The following NAV1 variants were observed in gnomAD, a reference collection of about 807,000 sequenced individuals.
NAV1 encodes neuron navigator 1, also known as pore membrane and/or filament interacting like protein 3.
Under a neutral mutation model 175.2 loss-of-function variants are expected in NAV1, and 18 were observed. That is an observed-to-expected ratio of 0.10 (90% confidence interval 0.07 to 0.15). The LOEUF (loss-of-function observed/expected upper bound fraction) is 0.15. NAV1 is among the 10% of genes least tolerant of loss of function. The pLI is 1.00. For synonymous variants in NAV1, 897 were observed against 978.7 expected (o/e 0.92, Z 1.56); for missense variants, 1,731 against 2,436.6 (o/e 0.71, Z 6.10).
intron 3 of NAV1, among the ~76,000 whole-genome samples, chr1:201,778,332 C>T (rs1394078298): frequency 2.0e-5 from 3 of 152,206 alleles, no homozygotes; most frequent in Non-Finnish European, 4.4e-5. Context: ...CTTTGCCTCA[C>T]GACCTTGATT....
In NAV1 at chr1:201,588,556, G is replaced by T. The variant is rs373267014; in HGVS notation, c.-126G>T. ...TTTTGTAGAGACAGAGTCTTGCTAT[G>T]TTGCCCGGGCTGGTCTGAACTCCTA... On this transcript the variant is annotated 5_prime_UTR_variant, in exon 2 of 34. An upstream start codon of the reference 5' UTR is lost. Coordinates refer to the NAV1 transcript ENST00000685211. Among the ~76,000 whole-genome samples, 55 of 141,890 alleles carry T rather than the reference G, an allele frequency of 3.9e-4. No individual in the cohort carries two copies. The highest frequency in any genetic ancestry group is 1.4e-3 in the African/African-American group (54 of 37,670). The allele number at this position is 141,890 out of a possible 152,430, so 93.1% of individuals were successfully genotyped here. A position where few individuals can be genotyped will look rare whatever the true frequency, so the allele number is the denominator to read the frequency against.
At chr1:201,755,068 AG>A (rs973076631) in intron 3 of NAV1, among the ~76,000 whole-genome samples, 2 of 152,238 alleles carry the variant, frequency 1.3e-5, no homozygotes, top group African/African-American at 4.8e-5. Context: ...TTCAGAGTAA[AG>A]ACAACATGTT....
At chr1:201,594,404 T>C (rs485744) in intron 2 of NAV1, among the ~76,000 whole-genome samples, 7,142 of 152,230 alleles carry the variant, frequency 0.047, 398 homozygotes, top group East Asian at 0.15. Flanking sequence ...GCATGGGGTC[T>C]GCAGGAACCT....
chr1:201,661,721 C>T (rs1007187582), intron 1 of NAV1, among the ~76,000 whole-genome samples: 2 of 152,134 alleles, frequency 1.3e-5, no homozygotes, highest in African/African-American at 4.8e-5. Flanking sequence ...ATGTCAGCCC[C>T]ATCAGCATTT....
At chr1:201,679,243 T>C (rs1434585650) in intron 1 of NAV1, among the ~76,000 whole-genome samples, 2 of 152,142 alleles carry the variant, frequency 1.3e-5, no homozygotes, top group African/African-American at 4.8e-5. Flanking sequence ...CCCAAAGGGC[T>C]TGGAGGTGCT....
At chr1:201,553,157 G>T (rs534267241) in intron 1 of NAV1, among the ~76,000 whole-genome samples, 1 of 152,336 alleles carries the variant, frequency 6.6e-6, no homozygotes, top group Admixed American at 6.5e-5. Flanking sequence ...GATTTGAAAT[G>T]ATAAACTCGA....
chr1:201,609,649 G>A (rs1209227074), intron 2 of NAV1, among the ~76,000 whole-genome samples: 1 of 152,196 alleles, frequency 6.6e-6, no homozygotes, highest in Non-Finnish European at 1.5e-5. Flanking sequence ...CAGGTCTGGT[G>A]GGAGACGTGG....
chr1:201,713,313 G>C (rs1236337755), intron 2 of NAV1, among the ~76,000 whole-genome samples: 1 of 152,130 alleles, frequency 6.6e-6, no homozygotes, highest in Non-Finnish European at 1.5e-5. Flanking sequence ...ATTAAACTAG[G>C]GGTCTAGAAT....
At chr1:201,704,743 A>G (rs1020978108) in intron 1 of NAV1, among the ~76,000 whole-genome samples, 2 of 152,220 alleles carry the variant, frequency 1.3e-5, no homozygotes, top group African/African-American at 4.8e-5. Flanking sequence ...TTGAATCAGA[A>G]GCTCTGGGGG....
chr1:201,784,852 C>G (rs1676610122), intron 7 of NAV1, among the ~76,000 whole-genome samples: 1 of 151,832 alleles, frequency 6.6e-6, no homozygotes, highest in East Asian at 1.9e-4. Flanking sequence ...CTTGCAAGTT[C>G]CACCTCCTGG....
chr1:201,602,193 C>T lies in NAV1; in HGVS notation c.-33+13544C>T, dbSNP rs141676326. ...TCAAGGCCACCTCCTAAAGTCTTTC[C>T]TAAGTCTTTCTTGCTGCTGCAGTTT... On this transcript the variant is annotated intron_variant, in intron 2 of 33. Transcript: ENST00000685211. 1.1e-4 allele frequency among the ~76,000 whole-genome samples: 16 copies of T among 152,280 alleles called. No homozygotes were observed. The East Asian group carries it at 2.5e-3, about 24-fold the overall frequency.
chr1:201,633,494 C>T (rs1312927433), intron 2 of NAV1, among the ~76,000 whole-genome samples: 1 of 152,198 alleles, frequency 6.6e-6, no homozygotes, highest in East Asian at 1.9e-4. Flanking sequence ...GCCTTCCCAA[C>T]TGCCGCCAGT....
In NAV1 at chr1:201,721,991, A is replaced by G. The variant is rs150066283; in HGVS notation, c.1226+3236A>G. ...CAAACCAAAGAAGGCAAATTCTTCA[A>G]ACTGAAGTCAGCAAACTAGAAGGAA... On this transcript the variant is annotated intron_variant, in intron 3 of 29. Coordinates refer to ENST00000367296, the Ensembl canonical transcript of NAV1. Among the ~76,000 whole-genome samples, 955 of 152,362 alleles carry G rather than the reference A, an allele frequency of 6.3e-3. 3 individuals are homozygous for G. The highest frequency in any genetic ancestry group is 0.014 in the Middle Eastern group (4 of 294).
intron 1 of NAV1, among the ~76,000 whole-genome samples, chr1:201,556,465 C>T (rs549781209): frequency 1.3e-5 from 2 of 152,024 alleles, no homozygotes; most frequent in African/African-American, 4.8e-5. Flanking sequence ...AGTGATTACA[C>T]CCCAGTTGTA....
intron 1 of NAV1, among the ~76,000 whole-genome samples, chr1:201,546,862 C>T (rs1665687394): frequency 1.3e-5 from 2 of 149,418 alleles, no homozygotes; most frequent in South Asian, 4.2e-4. Context: ...TGAGATGGCA[C>T]CACTGCACTC....
rs1003727324 is a variant in NAV1 at position 201,790,785 on chromosome 1, G to A, written c.3321+19G>A. 1.6e-5 allele frequency: 26 copies of A among 1,613,012 alleles called. No individual in the cohort carries two copies. Among genetic ancestry groups the A allele is most frequent in the African/African-American group, 2.7e-5 (2 of 74,844 alleles). ...TGCCAATGTGAGTGCCATGAAGTACGGAAAGATCAAGGCAGTTATTTTGAC... is the reference window on the plus strand; with the variant it reads ...TGCCAATGTGAGTGCCATGAAGTACAGAAAGATCAAGGCAGTTATTTTGAC... On this transcript the variant is annotated intron_variant, in intron 13 of 29. Coordinates refer to ENST00000367296, the Ensembl canonical transcript of NAV1.
At chr1:201,550,977 C>T (rs1665835183) in intron 1 of NAV1, among the ~76,000 whole-genome samples, 1 of 152,260 alleles carries the variant, frequency 6.6e-6, no homozygotes, top group South Asian at 2.1e-4. Context: ...CTGGTCTACT[C>T]TATGGTCCGT....
At chr1:201,713,792 G>A (rs1000135602) in intron 2 of NAV1, among the ~76,000 whole-genome samples, 6 of 152,258 alleles carry the variant, frequency 3.9e-5, no homozygotes, top group Admixed American at 2.6e-4. Flanking sequence ...TCCAACTCCT[G>A]GGGCTGGAAA....
intron 1 of NAV1, among the ~76,000 whole-genome samples, chr1:201,628,401 C>A (rs141816359): frequency 2.0e-5 from 3 of 152,222 alleles, no homozygotes; most frequent in Non-Finnish European, 4.4e-5. Flanking sequence ...ATCTTTTCAC[C>A]CCATGATGGA....
Sources: gnomAD v4.1 joint callset for allele counts (sites outside exome capture counted in the v4.1 genomes callset) on GRCh38, gnomAD v4.1.1 for gene constraint, MANE v1.5 for transcripts, NCBI Gene and HGNC (gene_info 2026-07-23, HGNC 2026-07-21) for gene names.